TBC1D1: variants seen among roughly 807,000 people sequenced by gnomAD.
The protein encoded by TBC1D1 is TBC1 domain family member 1.
In TBC1D1, 89 loss-of-function variants were observed where a neutral mutation model predicts 125.6. The observed-to-expected ratio is 0.71, with a 90% confidence interval of 0.60 to 0.85. The LOEUF (loss-of-function observed/expected upper bound fraction) is 0.85, where lower values mean the gene tolerates loss of function less well. Ranked by LOEUF, TBC1D1 falls within the 40% of genes least tolerant of loss-of-function variation. TBC1D1 has a pLI of 0.00. For synonymous variants in TBC1D1, 565 were observed against 564.1 expected (o/e 1.00, Z -0.02); for missense variants, 1,377 against 1,469.2 (o/e 0.94, Z 1.03).
At chr4:37,903,016 T>C (rs1156585875) in intron 2 of TBC1D1, among the ~76,000 whole-genome samples, 3 of 152,224 alleles carry the variant, frequency 2.0e-5, no homozygotes, top group Non-Finnish European at 4.4e-5. Flanking sequence ...AAGAAAAATA[T>C]AGTCATTCGT....
chr4:37,960,766 A>C (rs1256150854), intron 2 of TBC1D1: 1 of 1,614,088 alleles, frequency 6.2e-7, no homozygotes, highest in East Asian at 2.2e-5. Context: ...GATGACGCCT[A>C]TCCAGAAATA....
chr4:38,125,117 A>G lies in TBC1D1; in HGVS notation c.3118A>G (p.Lys1040Glu). 1 of 1,614,094 alleles carries G rather than the reference A, an allele frequency of 6.2e-7. No homozygotes were observed. Reference sequence around the variant, plus strand: ...CAACCTTGGCTTGGTACAGATGGAAAAGACCATCAATCAGGTATGAGTCAG... The same window carrying G: ...CAACCTTGGCTTGGTACAGATGGAAGAGACCATCAATCAGGTATGAGTCAG... Residue 1040 changes from lysine (K) to glutamate (E), a missense_variant, in exon 18 of 20, where the codon AAG (lysine) becomes GAG (glutamate). Lys to Glu is a moderately conservative substitution (Grantham distance 56). Coordinates refer to ENST00000261439, the MANE Select transcript of TBC1D1 (RefSeq NM_015173.4).
intron 2 of TBC1D1, among the ~76,000 whole-genome samples, chr4:37,944,250 G>T (rs1726182206): frequency 6.6e-6 from 1 of 152,174 alleles, no homozygotes; most frequent in African/African-American, 2.4e-5. Flanking sequence ...CCCCTACTGG[G>T]GGGTGCCTCC....
rs1450171455 is a variant in TBC1D1, at chr4:37,902,043, A to C, written c.-53A>C. Reference sequence around the variant, plus strand: ...GTGTGTAAAATAGATTGCTTGATCCAAAACAGAAAAACAGTGATAACTGTT... The same window carrying C: ...GTGTGTAAAATAGATTGCTTGATCCCAAACAGAAAAACAGTGATAACTGTT... On this transcript the variant is annotated 5_prime_UTR_variant, in exon 2 of 20. Coordinates refer to ENST00000261439, the MANE Select transcript of TBC1D1 (RefSeq NM_015173.4). 1 of 1,522,262 alleles carries C rather than the reference A, an allele frequency of 6.6e-7. No individual in the cohort carries two copies. Among genetic ancestry groups the C allele is most frequent in the Non-Finnish European group, 8.8e-7 (1 of 1,133,602 alleles). The allele number at this position is 1,522,262 out of a possible 1,614,324, so 94.3% of individuals were successfully genotyped here. A position where few individuals can be genotyped will look rare whatever the true frequency, so the allele number is the denominator to read the frequency against.
intron 2 of TBC1D1, among the ~76,000 whole-genome samples, chr4:38,006,474 A>ATTTTTTTTTTTTTTTTTTTTTTTTTTT (rs71190940): frequency 9.9e-6 from 1 of 101,388 alleles, no homozygotes; most frequent in Non-Finnish European, 1.9e-5. Context: ...GACCAACACT[A>ATTTTTTTTTTTTTTTTTTTTTTTTTTT]TTTTTTTTTT....
chr4:37,905,344 A>G (rs1279860092), intron 2 of TBC1D1, among the ~76,000 whole-genome samples: 2 of 152,256 alleles, frequency 1.3e-5, no homozygotes, highest in East Asian at 1.9e-4. Context: ...TCTCTAAAGA[A>G]CTGAGGGTCC....
chr4:38,128,583 T>C (rs636238), intron 18 of TBC1D1, among the ~76,000 whole-genome samples: 108,571 of 151,988 alleles, frequency 0.71, 39,080 homozygotes, highest in African/African-American at 0.78. Flanking sequence ...ATTAAATGCC[T>C]TCCCTGTATA....
At chr4:38,023,752 T>G (rs1031456562) in intron 6 of TBC1D1, among the ~76,000 whole-genome samples, 2 of 152,226 alleles carry the variant, frequency 1.3e-5, no homozygotes, top group African/African-American at 2.4e-5. Flanking sequence ...TTTTGACTGT[T>G]GTACTAATAA....
chr4:38,051,944 G>A, intron 11 of TBC1D1: 1 of 1,550,706 alleles, frequency 6.4e-7, no homozygotes, highest in Non-Finnish European at 8.7e-7. Context: ...GCCCAGGTCA[G>A]TCTTCAGCTC....
chr4:38,109,709 A>T (rs921357940), intron 15 of TBC1D1, among the ~76,000 whole-genome samples: 2 of 152,188 alleles, frequency 1.3e-5, no homozygotes, highest in Non-Finnish European at 1.5e-5. Context: ...TTAATCTCCT[A>T]ACCCTGCCAT....
intron 2 of TBC1D1, among the ~76,000 whole-genome samples, chr4:37,915,600 G>A (rs1560472177): frequency 6.6e-6 from 1 of 152,156 alleles, no homozygotes; most frequent in Non-Finnish European, 1.5e-5. Flanking sequence ...TACTCAGCCT[G>A]CTAATGCTAA....
At chr4:37,970,924 G>A (rs1485827470) in intron 2 of TBC1D1, among the ~76,000 whole-genome samples, 2 of 148,282 alleles carry the variant, frequency 1.3e-5, no homozygotes, top group Non-Finnish European at 3.0e-5. Context: ...TCTTTTGCAT[G>A]TGTCCCTGCC....
intron 12 of TBC1D1, among the ~76,000 whole-genome samples, chr4:38,063,080 G>A (rs1406982701): frequency 6.6e-6 from 1 of 152,186 alleles, no homozygotes; most frequent in Non-Finnish European, 1.5e-5. Context: ...GAGTGATCTT[G>A]ATCTGTTAAC....
rs980438739 is a variant in TBC1D1 at position 38,020,696 on chromosome 4, G to A, written c.1077+1G>A. 4.3e-6 allele frequency: 7 copies of A among 1,610,984 alleles called. No homozygotes were observed. The highest frequency in any genetic ancestry group is 5.9e-6 in the Non-Finnish European group (7 of 1,178,004). ...GTTTCAGTGCACAAATGAGGCTCTG[G>A]TGAGAGAGGACAAGCAATTCTTACC... On this transcript the variant is annotated splice_donor_variant, in intron 5 of 19. Coordinates refer to ENST00000261439, the MANE Select transcript of TBC1D1 (RefSeq NM_015173.4). LOFTEE classifies it high-confidence loss of function.
At chr4:37,978,673 C>G (rs1416605706) in intron 2 of TBC1D1, among the ~76,000 whole-genome samples, 1 of 152,148 alleles carries the variant, frequency 6.6e-6, no homozygotes, top group Non-Finnish European at 1.5e-5. Flanking sequence ...AAATAACATT[C>G]CATTAGAATC....
intron 2 of TBC1D1, among the ~76,000 whole-genome samples, chr4:37,991,928 AG>A (rs1736657346): frequency 6.6e-6 from 1 of 152,222 alleles, no homozygotes; most frequent in Non-Finnish European, 1.5e-5. Flanking sequence ...GCATGAGCAA[AG>A]GTATGGAGGT....
intron 2 of TBC1D1, among the ~76,000 whole-genome samples, chr4:37,949,094 A>G (rs898567227): frequency 1.3e-5 from 2 of 152,216 alleles, no homozygotes; most frequent in African/African-American, 4.8e-5. Flanking sequence ...TTTTATTTCA[A>G]CAACTAATGG....
intron 8 of TBC1D1, among the ~76,000 whole-genome samples, chr4:38,036,682 C>T (rs1177133898): frequency 7.2e-5 from 11 of 152,200 alleles, no homozygotes; most frequent in Admixed American, 5.9e-4. Context: ...TTCTAGGTGG[C>T]TTTGGCAGTC....
At chr4:37,962,756 T>G (rs1185749646) in intron 2 of TBC1D1, among the ~76,000 whole-genome samples, 1 of 152,186 alleles carries the variant, frequency 6.6e-6, no homozygotes. Context: ...CTTGGTAATT[T>G]TTTCAGGATT....
Sources: gnomAD v4.1 joint callset for allele counts (sites outside exome capture counted in the v4.1 genomes callset) on GRCh38, gnomAD v4.1.1 for gene constraint, MANE v1.5 for transcripts, NCBI Gene and HGNC (gene_info 2026-07-23, HGNC 2026-07-21) for gene names.